Variants in SCYL2 observed in about 807,000 individuals in gnomAD.
SCYL2 encodes SCY1 like pseudokinase 2.
A neutral mutation model predicts 100.4 loss-of-function variants in SCYL2; 36 were observed. The observed-to-expected ratio is 0.36, with a 90% CI of 0.27 to 0.47. SCYL2 has a LOEUF of 0.47. SCYL2 is among the 20% of genes least tolerant of loss of function. The pLI, the probability that SCYL2 is intolerant of heterozygous loss-of-function variation, is 1.00. For synonymous variants in SCYL2, 330 were observed against 359.2 expected (o/e 0.92, Z 0.92); for missense variants, 902 against 1,083.9 (o/e 0.83, Z 2.36).
At chr12:100,289,903 G>A in intron 2 of SCYL2, among the ~76,000 whole-genome samples, 1 of 152,130 alleles carries the variant, frequency 6.6e-6, no homozygotes, top group East Asian at 1.9e-4. Context: ...TTGAATCTCT[G>A]TCTTTCAAAG....
chr12:100,313,592 T>G, intron 7 of SCYL2, 54 bp downstream of exon 7: 1 of 931,288 alleles, frequency 1.1e-6, no homozygotes, highest in Non-Finnish European at 1.7e-6. Flanking sequence ...TGAGTTGAAG[T>G]AGATTAAGTT....
intron 3 of SCYL2, among the ~76,000 whole-genome samples, chr12:100,294,130 C>G (rs527842086): frequency 1.4e-5 from 2 of 145,040 alleles, no homozygotes; most frequent in East Asian, 4.2e-4. Flanking sequence ...CCTCACCTCC[C>G]GGACGGGGCG....
intron 10 of SCYL2, among the ~76,000 whole-genome samples, chr12:100,322,414 TTGGGATTATGTAATAC>T (rs1446897422): frequency 2.1e-5 from 3 of 145,198 alleles, no homozygotes; most frequent in Non-Finnish European, 4.6e-5. Flanking sequence ...AAAAAAAGAA[TTGGGATTATGTAATAC>T]TCTGTCCTCA....
At chr12:100,269,254 C>G (rs2096284504) in intron 1 of SCYL2, among the ~76,000 whole-genome samples, 2 of 152,140 alleles carry the variant, frequency 1.3e-5, no homozygotes, top group South Asian at 2.1e-4. Context: ...GTCACCCTGT[C>G]TTTTCTGTTC....
chr12:100,318,329 C>CTTTTTTTTTT (rs1052095844), intron 10 of SCYL2, among the ~76,000 whole-genome samples: 13 of 130,944 alleles, frequency 9.9e-5, no homozygotes, highest in African/African-American at 2.3e-4. Context: ...TCTTTTCTTT[C>CTTTTTTTTTT]TTTTTTTTTT....
At chr12:100,334,830 C>CCA (rs1952255838) in intron 14 of SCYL2, among the ~76,000 whole-genome samples, 1 of 151,740 alleles carries the variant, frequency 6.6e-6, no homozygotes, top group African/African-American at 2.4e-5. Flanking sequence ...AATCGAAGCC[C>CCA]CACTATATTC....
chr12:100,282,319 CT>C (rs1180915936), intron 1 of SCYL2, among the ~76,000 whole-genome samples: 229 of 85,606 alleles, frequency 2.7e-3, no homozygotes, highest in African/African-American at 6.8e-3. Flanking sequence ...CACTTTTAGT[CT>C]TTTTTTTTTT....
At chr12:100,294,360 G>T (rs2096314823) in intron 3 of SCYL2, among the ~76,000 whole-genome samples, 1 of 110,374 alleles carries the variant, frequency 9.1e-6, no homozygotes. Flanking sequence ...CCTCCCAGAC[G>T]GGGCGGCTGG....
At chr12:100,327,228 A>G (rs931489542) in intron 12 of SCYL2, 4 of 370,694 alleles carry the variant, frequency 1.1e-5, no homozygotes, top group Admixed American at 3.1e-5. Flanking sequence ...TCAAGATCAT[A>G]TAAGTGGTAA....
At chr12:100,294,709 A>C (rs1433501317) in intron 3 of SCYL2, among the ~76,000 whole-genome samples, 2 of 96,802 alleles carry the variant, frequency 2.1e-5, no homozygotes, top group South Asian at 3.5e-4. Flanking sequence ...TGACCCCCCC[A>C]CCTCCCTCCC....
chr12:100,305,191 C>T (rs528775484), intron 4 of SCYL2, among the ~76,000 whole-genome samples: 24 of 152,352 alleles, frequency 1.6e-4, no homozygotes, highest in African/African-American at 5.8e-4. Context: ...CCCAAATCAA[C>T]AGAATATACA....
At chr12:100,301,882 G>T (rs577333330) in intron 4 of SCYL2, among the ~76,000 whole-genome samples, 7 of 152,166 alleles carry the variant, frequency 4.6e-5, no homozygotes, top group Non-Finnish European at 8.8e-5. Flanking sequence ...CTGGGTCACC[G>T]CCCTGAAGCC....
intron 1 of SCYL2, among the ~76,000 whole-genome samples, chr12:100,268,180 A>T (rs1302066074): frequency 2.0e-5 from 3 of 152,196 alleles, no homozygotes; most frequent in Non-Finnish European, 4.4e-5. Context: ...GAAGGTGTCA[A>T]CTATTTTTTA....
At chr12:100,298,230 T>G (rs2096323301) in intron 4 of SCYL2, 55 bp downstream of exon 4, 1 of 1,343,268 alleles carries the variant, frequency 7.4e-7, no homozygotes, top group African/African-American at 1.5e-5. Flanking sequence ...AAATTGGTTT[T>G]GGCATTTCAA....
At chr12:100,268,823 C>T (rs1182594664) in intron 1 of SCYL2, among the ~76,000 whole-genome samples, 2 of 152,244 alleles carry the variant, frequency 1.3e-5, no homozygotes, top group Non-Finnish European at 2.9e-5. Context: ...GGTAGCATCA[C>T]TATCCATTCC....
At chr12:100,329,447 T>G (rs1016985746) in intron 13 of SCYL2, 128 bp downstream of exon 13, 1 of 516,770 alleles carries the variant, frequency 1.9e-6, no homozygotes, top group African/African-American at 1.9e-5. Flanking sequence ...CAGAACTAAA[T>G]GAAGAAAGTT....
intron 1 of SCYL2, among the ~76,000 whole-genome samples, chr12:100,272,532 G>GC (rs1284004555): frequency 7.2e-5 from 11 of 152,118 alleles, no homozygotes; most frequent in Non-Finnish European, 1.6e-4. Context: ...AGTCTGGACG[G>GC]TTTTTTCTAA....
Position 100,340,742 on chromosome 12 carries a change from G to C in SCYL2, c.*1570G>C, listed in dbSNP as rs183692379. 3.2e-4 allele frequency: 49 copies of C among 152,108 alleles called. No homozygotes were observed. Among genetic ancestry groups the C allele is most frequent in the African/African-American group, 1.2e-3 (49 of 41,530 alleles). 9.4% of individuals were successfully genotyped at this position (152,108 alleles called of 1,614,324 possible). On this transcript the variant is annotated 3_prime_UTR_variant, in exon 18 of 18. Coordinates refer to ENST00000360820, the MANE Select transcript of SCYL2 (RefSeq NM_017988.6). ...TCTGATTTCTGTATGGGCTGTACTT[G>C]GTTAACTTGATTTTAGAAAAAGGAC...
At chr12:100,317,067 G>T (rs1161549410) in intron 9 of SCYL2, among the ~76,000 whole-genome samples, 2 of 151,270 alleles carry the variant, frequency 1.3e-5, no homozygotes, top group Non-Finnish European at 2.9e-5. Flanking sequence ...CTGCGCTCCA[G>T]CCTGGGTGAC....
Sources: gnomAD v4.1 joint callset for allele counts (sites outside exome capture counted in the v4.1 genomes callset) on GRCh38, gnomAD v4.1.1 for gene constraint, MANE v1.5 for transcripts, NCBI Gene and HGNC (gene_info 2026-07-23, HGNC 2026-07-21) for gene names.